The following CAMKMT variants were observed in gnomAD, a reference collection of about 807,000 sequenced individuals.
CAMKMT encodes calmodulin-lysine N-methyltransferase, also known as CaM KMT.
Under a neutral mutation model 48.0 loss-of-function variants are expected in CAMKMT, and 53 were observed. That is an observed-to-expected ratio of 1.10 (90% CI 0.89 to 1.39). The LOEUF is 1.39. Ranked by LOEUF, CAMKMT falls within the 40% of genes most tolerant of loss-of-function variation. The pLI, the probability that CAMKMT is intolerant of heterozygous loss-of-function variation, is 0.00. For synonymous variants in CAMKMT, 165 were observed against 152.3 expected (o/e 1.08, Z -0.61); for missense variants, 428 against 402.7 (o/e 1.06, Z -0.54).
chr2:44,525,507 G>T (rs1213233161), intron 3 of CAMKMT, among the ~76,000 whole-genome samples: 1 of 152,122 alleles, frequency 6.6e-6, no homozygotes, highest in East Asian at 1.9e-4. Context: ...ACCCTCCTCG[G>T]CCTCCCAAAG....
At chr2:44,451,094 C>T (rs1202545989) in intron 3 of CAMKMT, among the ~76,000 whole-genome samples, 1 of 152,006 alleles carries the variant, frequency 6.6e-6, no homozygotes, top group Non-Finnish European at 1.5e-5. Context: ...AATCTAATTT[C>T]CCATGTAAAT....
At chr2:44,614,314 A>T (rs1033984466) in intron 3 of CAMKMT, among the ~76,000 whole-genome samples, 3 of 152,224 alleles carry the variant, frequency 2.0e-5, no homozygotes, top group African/African-American at 7.2e-5. Flanking sequence ...AAGGAACACA[A>T]AACTGACTGA....
chr2:44,587,876 T>C (rs1310309052), intron 3 of CAMKMT, among the ~76,000 whole-genome samples: 94 of 122,924 alleles, frequency 7.6e-4, no homozygotes, highest in African/African-American at 2.6e-3. Context: ...AGTGCCGAGA[T>C]TGCAGCCTCT....
At chr2:44,409,396 G>A (rs1360111450) in intron 3 of CAMKMT, among the ~76,000 whole-genome samples, 2 of 152,042 alleles carry the variant, frequency 1.3e-5, no homozygotes, top group Non-Finnish European at 1.5e-5. Context: ...ATCATGTGGG[G>A]TTGTATGATT....
intron 3 of CAMKMT, among the ~76,000 whole-genome samples, chr2:44,628,485 C>T (rs186480719): frequency 1.1e-4 from 17 of 151,228 alleles, no homozygotes; most frequent in South Asian, 2.1e-4. Context: ...TGGGGCTTAA[C>T]GTAAATTTTT....
chr2:44,666,855 G>A (rs1434232121), intron 3 of CAMKMT, among the ~76,000 whole-genome samples: 3 of 152,104 alleles, frequency 2.0e-5, no homozygotes, highest in African/African-American at 4.8e-5. Context: ...TGATCTGCCC[G>A]CCTCGGCCTC....
In CAMKMT at chr2:44,589,365, C is replaced by T. The variant is rs1401934879; in HGVS notation, c.377-114918C>T. 1.7e-4 allele frequency among the ~76,000 whole-genome samples: 9 copies of T among 53,778 alleles called. 3 individuals are homozygous for T. The highest frequency in any genetic ancestry group is 4.3e-4 in the Admixed American group (2 of 4,638). The allele number at this position is 53,778 out of a possible 152,430, so 35.3% of individuals were successfully genotyped here. A position where few individuals can be genotyped will look rare whatever the true frequency, so the allele number is the denominator to read the frequency against. On this transcript the variant is annotated intron_variant, in intron 3 of 10. Coordinates refer to ENST00000378494, the MANE Select transcript of CAMKMT (RefSeq NM_024766.5). ...AGTGAGGAGCCCCTCTGCCCGGCCACGACCCCGTCTGGGAGGTGTGCCCAG... is the reference window on the plus strand; with the variant it reads ...AGTGAGGAGCCCCTCTGCCCGGCCATGACCCCGTCTGGGAGGTGTGCCCAG...
At chr2:44,391,758 G>A (rs1067345) in intron 3 of CAMKMT, 107,018 of 152,786 alleles carry the variant, frequency 0.7, 38,068 homozygotes, top group South Asian at 0.79. Context: ...AGGCATGAAT[G>A]ACTGTCTTAG....
chr2:44,714,901 A>G (rs1006025990), intron 6 of CAMKMT, among the ~76,000 whole-genome samples: 2 of 152,274 alleles, frequency 1.3e-5, no homozygotes, highest in African/African-American at 2.4e-5. Context: ...CCCATGTATG[A>G]TAAAAAGATT....
rs182445365 is a variant in CAMKMT at position 44,622,733 on chromosome 2, C to G, written c.377-81550C>G. Among the ~76,000 whole-genome samples, 7 of 152,276 alleles carry G rather than the reference C, an allele frequency of 4.6e-5. No individual in the cohort carries two copies. In the East Asian group the frequency reaches 1.4e-3, roughly 29 times the overall value. On this transcript the variant is annotated intron_variant, in intron 3 of 10. Coordinates refer to ENST00000378494, the MANE Select transcript of CAMKMT (RefSeq NM_024766.5). ...ATGTAACATATTTTCTTTATCCAGTCCACTGTTGATGGGCTGGTTTGATTC... is the reference window on the plus strand; with the variant it reads ...ATGTAACATATTTTCTTTATCCAGTGCACTGTTGATGGGCTGGTTTGATTC...
At chr2:44,717,157 C>G (rs1217381872) in intron 7 of CAMKMT, among the ~76,000 whole-genome samples, 3 of 151,872 alleles carry the variant, frequency 2.0e-5, no homozygotes, top group Non-Finnish European at 4.4e-5. Flanking sequence ...AATGCTATTT[C>G]TAGATATATT....
intron 3 of CAMKMT, among the ~76,000 whole-genome samples, chr2:44,611,468 C>G (rs1443295537): frequency 2.0e-5 from 3 of 151,164 alleles, no homozygotes; most frequent in African/African-American, 7.3e-5. Context: ...TACCCAGATA[C>G]TTTTAGGAGA....
intron 9 of CAMKMT, among the ~76,000 whole-genome samples, chr2:44,756,635 G>T (rs953808152): frequency 6.6e-6 from 1 of 151,882 alleles, no homozygotes; most frequent in Non-Finnish European, 1.5e-5. Context: ...CCAGCTACTC[G>T]GGAGGCTGAG....
chr2:44,438,189 G>A (rs1222824323), intron 3 of CAMKMT, among the ~76,000 whole-genome samples: 1 of 152,144 alleles, frequency 6.6e-6, no homozygotes, highest in African/African-American at 2.4e-5. Flanking sequence ...ACTCAGGCAG[G>A]CTAGCTCCAG....
chr2:44,549,649 A>G lies in CAMKMT; in HGVS notation c.377-154634A>G, dbSNP rs552821218. 6.1e-5 allele frequency: 37 copies of G among 603,386 alleles called. 1 individual carries two copies. The East Asian group carries it at 9.9e-4, about 16-fold the overall frequency. 37.4% of individuals were successfully genotyped at this position (603,386 alleles called of 1,614,324 possible). A position where few individuals can be genotyped will look rare whatever the true frequency, so the allele number is the denominator to read the frequency against. ...CCTGAACTGCTCATATATTTAAGAA[A>G]CACTTCGTGGCAGAAGATTATGATA... On this transcript the variant is annotated intron_variant, in intron 3 of 10. Coordinates refer to ENST00000378494, the MANE Select transcript of CAMKMT (RefSeq NM_024766.5).
chr2:44,375,041 G>C (rs957904685), intron 2 of CAMKMT, among the ~76,000 whole-genome samples: 1 of 152,094 alleles, frequency 6.6e-6, no homozygotes. Flanking sequence ...TGAGGCAGGA[G>C]AATCCTTACA....
At chr2:44,422,839 G>A (rs1002749082) in intron 3 of CAMKMT, among the ~76,000 whole-genome samples, 6 of 152,024 alleles carry the variant, frequency 3.9e-5, no homozygotes, top group African/African-American at 1.4e-4. Context: ...TCTAAGAGGT[G>A]AGCTGCTTTT....
intron 3 of CAMKMT, among the ~76,000 whole-genome samples, chr2:44,480,383 G>A (rs1328653666): frequency 6.6e-6 from 1 of 151,992 alleles, no homozygotes; most frequent in Non-Finnish European, 1.5e-5. Flanking sequence ...CAGTTTTAAC[G>A]GTCAAGTGAA....
rs564889758 is a variant in CAMKMT at position 44,536,888 on chromosome 2, A to G, written c.376+146583A>G. On this transcript the variant is annotated intron_variant, in intron 3 of 10. Coordinates refer to ENST00000378494, the MANE Select transcript of CAMKMT (RefSeq NM_024766.5). ...ATTTACAGCCAACTGATTTTTGACA[A>G]AGGCAACAAGAATATACATTAGTAG... Among the ~76,000 whole-genome samples, 3 of 152,316 alleles carry G rather than the reference A, an allele frequency of 2.0e-5. No homozygotes were observed. The East Asian group carries it at 5.8e-4, about 29-fold the overall frequency.
Sources: gnomAD v4.1 joint callset for allele counts (sites outside exome capture counted in the v4.1 genomes callset) on GRCh38, gnomAD v4.1.1 for gene constraint, MANE v1.5 for transcripts, NCBI Gene and HGNC (gene_info 2026-07-23, HGNC 2026-07-21) for gene names.